Variants in SRGAP2 observed in about 807,000 individuals in gnomAD.
SRGAP2 encodes the protein SLIT-ROBO Rho GTPase-activating protein 2.
SRGAP2 carries 15 observed loss-of-function variants against 57.2 expected under a neutral mutation model. The ratio of observed to expected loss-of-function variants is 0.26; its 90% CI spans 0.18 to 0.40. The LOEUF is 0.40. Among genes scored for constraint, SRGAP2 ranks in the 10% least tolerant of loss-of-function variants. SRGAP2 has a pLI of 1.00. For synonymous variants in SRGAP2, 249 were observed against 248.0 expected, an observed-to-expected ratio of 1.00 and a Z score of -0.04; for missense variants, 520 against 669.6, an observed-to-expected ratio of 0.78 and a Z score of 2.47.
At chr1:206,230,058 G>GA (rs1281689476) in intron 2 of SRGAP2, among the ~76,000 whole-genome samples, 85 of 151,846 alleles carry the variant, frequency 5.6e-4, no homozygotes, top group African/African-American at 1.9e-3. Flanking sequence ...CATAAGTAAA[G>GA]AAAAAAAGGT....
chr1:206,263,483 C>T (rs1242429143), intron 2 of SRGAP2, among the ~76,000 whole-genome samples: 2 of 152,010 alleles, frequency 1.3e-5, no homozygotes, highest in Non-Finnish European at 2.9e-5. Context: ...CAGGTGGAAC[C>T]TCTGTCAATC....
In SRGAP2 at chr1:206,461,393, G is replaced by A. The variant is rs187837478; in HGVS notation, c.3189G>A (p.Gln1063=). The change falls in exon 23 of 23, where the codon CAG becomes CAA. Residue 1063 remains glutamine (Q), a synonymous_variant. Transcript: ENST00000573034. ...GTGTCAACTCATCAACTTCCCCACA[G>A]TCTACTGACAAGTCTTGTACTGTCT... The part of the protein sequence containing the change: ...SPGVNSSTSP[Q]STDKSCTV 2.7e-5 allele frequency: 21 copies of A among 779,680 alleles called. No individual in the cohort carries two copies. The East Asian group carries it at 5.1e-4, about 19-fold the overall frequency. The allele number at this position is 779,680 out of a possible 1,614,324, so 48.3% of individuals were successfully genotyped here.
At chr1:206,412,718 GT>G (rs35748910) in intron 10 of SRGAP2, among the ~76,000 whole-genome samples, 14,661 of 152,180 alleles carry the variant, frequency 0.096, 1,555 homozygotes, top group African/African-American at 0.26. Flanking sequence ...CTTTCTCTGT[GT>G]TGTCTGTCCA....
At chr1:206,370,890 G>A (rs1654491048) in intron 4 of SRGAP2, among the ~76,000 whole-genome samples, 1 of 151,944 alleles carries the variant, frequency 6.6e-6, no homozygotes, top group Admixed American at 6.6e-5. Flanking sequence ...AGAAAACAAT[G>A]CATACTGAAG....
At chr1:206,284,886 A>C (rs1184696160) in intron 2 of SRGAP2, among the ~76,000 whole-genome samples, 1 of 152,242 alleles carries the variant, frequency 6.6e-6, no homozygotes, top group African/African-American at 2.4e-5. Context: ...CATGGCCTAG[A>C]TAATGATGTT....
At chr1:206,428,183 G>A (rs554971211) in intron 13 of SRGAP2, among the ~76,000 whole-genome samples, 16 of 152,228 alleles carry the variant, frequency 1.1e-4, no homozygotes, top group Non-Finnish European at 2.1e-4. Flanking sequence ...TTGGGAGGCC[G>A]AGACAGGCGG....
Position 206,386,807 on chromosome 1 carries a change from A to G in SRGAP2, c.486+2731A>G, listed in dbSNP as rs568800602. 1.5e-4 allele frequency among the ~76,000 whole-genome samples: 22 copies of G among 148,332 alleles called. No homozygotes were observed. In the South Asian group the frequency reaches 3.6e-3, roughly 24 times the overall value. On this transcript the variant is annotated intron_variant, in intron 5 of 22. Transcript: ENST00000573034. ...GAGCGAGACTGTCTCAAAAAAAAAA[A>G]AAAGAAAAAGGAAAAAAAGAGAAAG...
intron 12 of SRGAP2, 105 bp downstream of exon 12, chr1:206,419,505 G>T: frequency 1.3e-6 from 1 of 757,050 alleles, no homozygotes; most frequent in South Asian, 1.4e-5. Flanking sequence ...GGCATTGAAT[G>T]ACTTTACAAA....
intron 3 of SRGAP2, among the ~76,000 whole-genome samples, chr1:206,341,402 A>C (rs61816825): frequency 6.6e-6 from 1 of 152,116 alleles, no homozygotes; most frequent in Non-Finnish European, 1.5e-5. Context: ...TGGAATTGCC[A>C]CTTTTTAGCT....
At chr1:206,437,371 G>A (rs782112107) in intron 15 of SRGAP2, among the ~76,000 whole-genome samples, 4 of 152,202 alleles carry the variant, frequency 2.6e-5, no homozygotes, top group Non-Finnish European at 5.9e-5. Flanking sequence ...AGGCTAATGC[G>A]CTTGTTCATT....
intron 2 of SRGAP2, among the ~76,000 whole-genome samples, chr1:206,292,273 G>A (rs1671372485): frequency 6.6e-6 from 1 of 152,110 alleles, no homozygotes; most frequent in Admixed American, 6.5e-5. Flanking sequence ...CCACTTCTCT[G>A]TACTTGTTGT....
intron 19 of SRGAP2, 104 bp downstream of exon 19, chr1:206,450,569 C>T (rs1553375531): frequency 1.5e-6 from 1 of 660,622 alleles, no homozygotes; most frequent in Non-Finnish European, 2.8e-6. Flanking sequence ...CAGCGGTCCC[C>T]TGAGGGCAGG....
At chr1:206,423,183 C>T (rs1409540059) in intron 13 of SRGAP2, among the ~76,000 whole-genome samples, 2 of 152,156 alleles carry the variant, frequency 1.3e-5, no homozygotes, top group African/African-American at 4.8e-5. Context: ...GCTTCCAGAC[C>T]TTCCCTGCTC....
intron 14 of SRGAP2, among the ~76,000 whole-genome samples, chr1:206,436,727 C>T (rs1341082536): frequency 2.0e-5 from 3 of 152,222 alleles, no homozygotes; most frequent in South Asian, 2.1e-4. Flanking sequence ...GCCTCATAGT[C>T]GCCCTTGGAG....
chr1:206,348,292 C>A (rs1415436184), intron 4 of SRGAP2, among the ~76,000 whole-genome samples: 2 of 151,386 alleles, frequency 1.3e-5, no homozygotes, highest in Non-Finnish European at 3.0e-5. Context: ...CTCAGTCTGT[C>A]TAACCTCTGT....
intron 4 of SRGAP2, among the ~76,000 whole-genome samples, chr1:206,372,931 C>CTT (rs1234710948): frequency 1.3e-4 from 1 of 7,528 alleles, no homozygotes. Flanking sequence ...TTCTTTCTTT[C>CTT]TTTCTTTCTT....
At position 206,454,809 on chromosome 1, in the gene SRGAP2, G is replaced by T. The variant is rs1418722436; in HGVS notation, c.2361-69G>T. The T allele has an allele frequency of 1.7e-5, 12 of 692,782 alleles. No homozygotes were observed. The highest frequency in any genetic ancestry group is 3.3e-5 in the South Asian group (2 of 60,274). The allele number at this position is 692,782 out of a possible 1,614,324, so 42.9% of individuals were successfully genotyped here. A position where few individuals can be genotyped will look rare whatever the true frequency, so the allele number is the denominator to read the frequency against. On this transcript the variant is annotated intron_variant, in intron 20 of 22. Coordinates refer to ENST00000573034, the MANE Select transcript of SRGAP2 (RefSeq NM_015326.5). This position sits in a 1 kb window ranked among gnomAD's most constrained non-coding sequence, Gnocchi z 4.3. ...GTGTATGTCGGGGGGCCATCTTGCC[G>T]ATTTAACGCTGCTTTTTGTGTTGTT...
intron 4 of SRGAP2, among the ~76,000 whole-genome samples, chr1:206,363,780 T>C (rs1677082572): frequency 6.6e-6 from 1 of 152,232 alleles, no homozygotes; most frequent in South Asian, 2.1e-4. Flanking sequence ...CGATGTCATA[T>C]TTTTCTTAGT....
At chr1:206,349,458 T>C (rs1195343761) in intron 4 of SRGAP2, among the ~76,000 whole-genome samples, 3 of 149,900 alleles carry the variant, frequency 2.0e-5, no homozygotes, top group African/African-American at 7.3e-5. Context: ...AAACAAAGAC[T>C]TGCACCTGAA....
Sources: gnomAD v4.1 joint callset for allele counts (sites outside exome capture counted in the v4.1 genomes callset) on GRCh38, gnomAD v4.1.1 for gene constraint, Gnocchi (gnomAD v3.1) non-coding constraint, MANE v1.5 for transcripts, NCBI Gene and HGNC (gene_info 2026-07-23, HGNC 2026-07-21) for gene names.